Variants in MPZL2 observed in about 807,000 individuals in gnomAD.
MPZL2 encodes the protein myelin protein zero like 2.
MPZL2 carries 32 observed loss-of-function variants against 24.5 expected under a neutral mutation model. The ratio of observed to expected loss-of-function variants is 1.31; its 90% CI spans 0.99 to 1.76. The LOEUF is 1.76. MPZL2 is among the 40% of genes most tolerant of loss of function. MPZL2 has a pLI of 0.00. For synonymous variants in MPZL2, 92 were observed against 97.9 expected (o/e 0.94, Z 0.36); for missense variants, 304 against 274.9 (o/e 1.11, Z -0.75).
rs763406778 is a variant in MPZL2 at position 118,262,492 on chromosome 11, G to T, written c.382C>A (p.Pro128Thr). 3.1e-6 allele frequency: 5 copies of T among 1,614,124 alleles called. No homozygotes were observed. The South Asian group carries it at 5.5e-5, about 18-fold the overall frequency. Residue 128 changes from proline (P) to threonine (T), a missense_variant, in exon 3 of 6, where the codon CCA becomes ACA. By Grantham distance (38) the Pro-to-Thr change is conservative. Coordinates refer to ENST00000278937, the MANE Select transcript of MPZL2 (RefSeq NM_005797.4). ...CCTATCACCCCATCAACATCAGGTGGGTTCTTCACCTGGCAGGTGTATGTC... is the reference window on the plus strand; with the variant it reads ...CCTATCACCCCATCAACATCAGGTGTGTTCTTCACCTGGCAGGTGTATGTC... ...NGTYTCQVKN[P>T]PDVDGVIGEI...
Position 118,260,199 on chromosome 11 carries a change from G to A in MPZL2, c.439C>T (p.Arg147Cys), listed in dbSNP as rs557493842. 92 of 1,611,594 alleles carry A rather than the reference G, an allele frequency of 5.7e-5. No homozygotes were observed. Among genetic ancestry groups the A allele is most frequent in the East Asian group, 3.6e-4 (16 of 44,872 alleles). ...GCCAGGAAGTGGATCTCAGAGAAGC[G>A]TACTGTAAGGAGAAAAAGATTAAAT... ...EIRLSVVHTVRFSEIHFLALA... is the reference protein window; with the variant it reads ...EIRLSVVHTVCFSEIHFLALA... Residue 147 changes from arginine to cysteine, a missense_variant and splice_region_variant, in exon 4 of 6, where the codon CGC (arginine) becomes TGC (cysteine). Arg to Cys is a radical substitution (Grantham distance 180). Transcript: ENST00000278937.
intron 4 of MPZL2, among the ~76,000 whole-genome samples, chr11:118,258,336 G>A (rs1949675967): frequency 6.6e-6 from 1 of 152,110 alleles, no homozygotes; most frequent in Non-Finnish European, 1.5e-5. Flanking sequence ...TGAAGAACAT[G>A]AAAAGACAAC....
intron 3 of MPZL2, among the ~76,000 whole-genome samples, chr11:118,260,944 G>T (rs186166688): frequency 1.3e-5 from 2 of 152,268 alleles, no homozygotes; most frequent in African/African-American, 4.8e-5. Context: ...TCTAGCCCAG[G>T]ATTCCCAGCC....
In MPZL2 at chr11:118,262,479, TCAA is replaced by T. The variant is rs1949706596; in HGVS notation, c.392_394del (p.Val131del). On this transcript the variant is annotated inframe_deletion, in exon 3 of 6. Transcript: ENST00000278937. ...GAGCCGGATCTCCCCTATCACCCCA[TCAA>T]CATCAGGTGGGTTCTTCACCTGGCA... 2 of 1,613,976 alleles carry T rather than the reference TCAA, an allele frequency of 1.2e-6. No homozygotes were observed. The highest frequency in any genetic ancestry group is 1.3e-5 in the African/African-American group (1 of 74,912).
Position 118,256,631 on chromosome 11 carries a change from C to T in MPZL2, c.*12+607G>A, listed in dbSNP as rs144873474. On this transcript the variant is annotated intron_variant, in intron 5 of 5. Transcript: ENST00000278937. ...CACCACTACACCCTAGCCTGGGCAACAGGTTGAGACCCTGTCTCAAAAACA... is the reference window on the plus strand; with the variant it reads ...CACCACTACACCCTAGCCTGGGCAATAGGTTGAGACCCTGTCTCAAAAACA... Among the ~76,000 whole-genome samples, 1,355 of 152,194 alleles carry T rather than the reference C, an allele frequency of 8.9e-3. 7 individuals are homozygous for T. The highest frequency in any genetic ancestry group is 0.016 in the South Asian group (78 of 4,822).
rs918429088 is a variant in MPZL2, at chr11:118,262,515, G to A, written c.359C>T (p.Thr120Ile). Residue 120 changes from threonine (T) to isoleucine (I), a missense_variant, in exon 3 of 6, where the codon ACA (threonine) becomes ATA (isoleucine). Transcript: ENST00000278937. The stretch of plus-strand genomic sequence containing the variant: ...TGGGTTCTTCACCTGGCAGGTGTAT[G>A]TCCCATTGTCGTCGAACTGCAGTTT... The part of the protein sequence containing the change: ...LWKLQFDDNG[T>I]YTCQVKNPPD... 6.2e-7 allele frequency: 1 copy of A among 1,614,186 alleles called. No homozygotes were observed. The highest frequency in any genetic ancestry group is 1.7e-5 in the Admixed American group (1 of 60,024).
chr11:118,255,544 T>C (rs1054732675), intron 5 of MPZL2, among the ~76,000 whole-genome samples: 3 of 152,144 alleles, frequency 2.0e-5, no homozygotes, highest in African/African-American at 4.8e-5. Flanking sequence ...ATCAGACATA[T>C]AGAAAAGTAG....
chr11:118,260,236 AAAG>A, intron 3 of MPZL2, 35 bp from the exon 4 acceptor site: 8 of 1,601,390 alleles, frequency 5.0e-6, no homozygotes, highest in Non-Finnish European at 6.8e-6. Context: ...AGGATTCTAA[AAAG>A]AAGAGGACTA....
At chr11:118,261,672 A>T (rs1949701222) in intron 3 of MPZL2, among the ~76,000 whole-genome samples, 1 of 152,232 alleles carries the variant, frequency 6.6e-6, no homozygotes, top group South Asian at 2.1e-4. Context: ...ACTCAAACCC[A>T]GATCTACAAT....
rs1189306535 is a variant in MPZL2 at position 118,255,237 on chromosome 11, A to C, written c.*13-4T>G. On this transcript the variant is annotated splice_region_variant and splice_polypyrimidine_tract_variant and intron_variant, in intron 5 of 5. Coordinates refer to ENST00000278937, the MANE Select transcript of MPZL2 (RefSeq NM_005797.4). The stretch of plus-strand genomic sequence containing the variant: ...TCTTGGAAATCATCTCAGCTTCCTA[A>C]AACACAAAACAAAAGTTTAAATGGA... 1 of 152,210 alleles carries C rather than the reference A, an allele frequency of 6.6e-6. No homozygotes were observed. The highest frequency in any genetic ancestry group is 1.5e-5 in the Non-Finnish European group (1 of 68,034). 9.4% of individuals were successfully genotyped at this position (152,210 alleles called of 1,614,324 possible).
At position 118,259,935 on chromosome 11, in the gene MPZL2, C is replaced by A. The variant is rs150591577; in HGVS notation, c.584+119G>T. 1.0e-4 allele frequency: 124 copies of A among 1,205,098 alleles called. No homozygotes were observed. In the African/African-American group the frequency reaches 1.6e-3, roughly 16 times the overall value. 74.7% of individuals were successfully genotyped at this position (1,205,098 alleles called of 1,614,324 possible). On this transcript the variant is annotated intron_variant, in intron 4 of 5. Coordinates refer to ENST00000278937, the MANE Select transcript of MPZL2 (RefSeq NM_005797.4). ...TTTATCTGTCCTGCAAATGTGAATT[C>A]TTTTATATAGGATTTACTTAAAGGG...
At chr11:118,263,152 ACTT>A (rs1949715626) in intron 1 of MPZL2, 55 bp from the exon 2 acceptor site, 3 of 1,519,154 alleles carry the variant, frequency 2.0e-6, no homozygotes, top group Admixed American at 4.0e-5. Flanking sequence ...TATTGTGAGA[ACTT>A]CTGCTGACAC....
In MPZL2 at chr11:118,264,088, G is replaced by A; in HGVS notation, c.58+8C>T. Reference sequence around the variant, plus strand: ...AGGAAACTCTGAGAGAAGCCCGCCGGCTCTTACCTGTGAGCTGTATGCCAA... The same window carrying A: ...AGGAAACTCTGAGAGAAGCCCGCCGACTCTTACCTGTGAGCTGTATGCCAA... On this transcript the variant is annotated splice_region_variant and intron_variant, in intron 1 of 5. Transcript: ENST00000278937. 1.2e-6 allele frequency: 2 copies of A among 1,613,926 alleles called. No homozygotes were observed. Among genetic ancestry groups the A allele is most frequent in the Non-Finnish European group, 1.7e-6 (2 of 1,179,824 alleles).
intron 5 of MPZL2, among the ~76,000 whole-genome samples, chr11:118,256,401 C>G (rs1424227593): frequency 6.6e-6 from 1 of 152,190 alleles, no homozygotes; most frequent in Non-Finnish European, 1.5e-5. Flanking sequence ...TGCCTGTAAT[C>G]CCAACACTTT....
In MPZL2 at chr11:118,258,552, T is replaced by C. The variant is rs1945763; in HGVS notation, c.585-1239A>G. Among the ~76,000 whole-genome samples, 912 of 152,166 alleles carry C rather than the reference T, an allele frequency of 6.0e-3. 7 individuals are homozygous for C. Among genetic ancestry groups the C allele is most frequent in the African/African-American group, 0.021 (870 of 41,516 alleles). On this transcript the variant is annotated intron_variant, in intron 4 of 5. Coordinates refer to ENST00000278937, the MANE Select transcript of MPZL2 (RefSeq NM_005797.4). ...GCTCAACATCAAGTCATTAGAAAAA[T>C]GCAAATCAAAACCCCAATGAGATAC...
In MPZL2 at chr11:118,260,021, T is replaced by G. The variant is rs1204671159; in HGVS notation, c.584+33A>C. ...AAAATACCAAGAGTCGCCATAAGAGTGTTAGAACTTTCCCAGAACTGCCCA... is the reference window on the plus strand; with the variant it reads ...AAAATACCAAGAGTCGCCATAAGAGGGTTAGAACTTTCCCAGAACTGCCCA... On this transcript the variant is annotated intron_variant, in intron 4 of 5. Transcript: ENST00000278937. 3 of 1,612,158 alleles carry G rather than the reference T, an allele frequency of 1.9e-6. No individual in the cohort carries two copies. In the Admixed American group the frequency reaches 5.0e-5, roughly 27 times the overall value.
chr11:118,263,144 T>C (rs762730330), intron 1 of MPZL2, 47 bp from the exon 2 acceptor site: 11 of 1,563,430 alleles, frequency 7.0e-6, no homozygotes, highest in Non-Finnish European at 9.6e-6. Context: ...GGATGTAGTA[T>C]TGTGAGAACT....
chr11:118,257,491 A>C, intron 4 of MPZL2, 178 bp from the exon 5 acceptor site: 1 of 483,902 alleles, frequency 2.1e-6, no homozygotes, highest in Non-Finnish European at 3.7e-6. Flanking sequence ...TAATATTCAC[A>C]CCTCTGAACT....
intron 5 of MPZL2, among the ~76,000 whole-genome samples, chr11:118,255,576 A>G (rs941642657): frequency 6.6e-6 from 1 of 152,056 alleles, no homozygotes; most frequent in Non-Finnish European, 1.5e-5. Context: ...TGTGGAATTT[A>G]CCCATCCCTT....
Sources: gnomAD v4.1 joint callset for allele counts (sites outside exome capture counted in the v4.1 genomes callset) on GRCh38, gnomAD v4.1.1 for gene constraint, MANE v1.5 for transcripts, NCBI Gene and HGNC (gene_info 2026-07-23, HGNC 2026-07-21) for gene names.